SLC30A8: variants seen among roughly 807,000 people sequenced by gnomAD.
SLC30A8 encodes the protein proton-coupled zinc antiporter SLC30A8.
SLC30A8 carries 27 observed loss-of-function variants against 36.9 expected under a neutral mutation model. The observed-to-expected ratio is 0.73, with a 90% CI of 0.54 to 1.01. The LOEUF (loss-of-function observed/expected upper bound fraction) is 1.01, where lower values mean the gene tolerates loss of function less well. Ranked by LOEUF, SLC30A8 falls within the 50% of genes least tolerant of loss-of-function variation. The pLI is 0.00. For synonymous variants in SLC30A8, 164 were observed against 172.4 expected (o/e 0.95, Z 0.38); for missense variants, 439 against 452.0 (o/e 0.97, Z 0.26).
At chr8:116,999,030 G>A (rs766651892) in intron 1 of SLC30A8, among the ~76,000 whole-genome samples, 1 of 152,186 alleles carries the variant, frequency 6.6e-6, no homozygotes, top group Non-Finnish European at 1.5e-5. Context: ...AGGCTGAGGC[G>A]GGCAGATCAC....
chr8:117,011,085 T>C (rs965579571), intron 1 of SLC30A8, among the ~76,000 whole-genome samples: 2 of 152,172 alleles, frequency 1.3e-5, no homozygotes, highest in African/African-American at 4.8e-5. Context: ...TAAACTCTTA[T>C]CTACTTCATC....
intron 2 of SLC30A8, among the ~76,000 whole-genome samples, chr8:117,122,486 C>G (rs151159159): frequency 1.7e-4 from 26 of 152,086 alleles, no homozygotes; most frequent in African/African-American, 5.8e-4. Context: ...AGGCCTTTCA[C>G]CTACAAGGCT....
intron 4 of SLC30A8, among the ~76,000 whole-genome samples, chr8:117,159,770 C>T (rs1418686655): frequency 2.6e-5 from 4 of 152,146 alleles, no homozygotes; most frequent in African/African-American, 9.7e-5. Context: ...GTATTAACTT[C>T]CTGAGAGTCA....
At chr8:116,979,935 C>G (rs1815198431) in intron 1 of SLC30A8, among the ~76,000 whole-genome samples, 1 of 152,072 alleles carries the variant, frequency 6.6e-6, no homozygotes, top group South Asian at 2.1e-4. Context: ...TCCAAAGAAA[C>G]AGAAGCTTAG....
chr8:117,000,016 G>A (rs1420618806), intron 1 of SLC30A8, among the ~76,000 whole-genome samples: 2 of 152,118 alleles, frequency 1.3e-5, no homozygotes, highest in Non-Finnish European at 2.9e-5. Context: ...GATCCTTAGT[G>A]GAAAATCTGG....
intron 1 of SLC30A8, among the ~76,000 whole-genome samples, chr8:116,963,360 C>T (rs1814493781): frequency 1.3e-5 from 2 of 152,016 alleles, no homozygotes; most frequent in African/African-American, 2.4e-5. Flanking sequence ...TAGTGTGATG[C>T]GACCACCATG....
At chr8:116,955,174 C>G (rs1265459474) in intron 1 of SLC30A8, among the ~76,000 whole-genome samples, 1 of 152,090 alleles carries the variant, frequency 6.6e-6, no homozygotes, top group Admixed American at 6.5e-5. Context: ...TAGTATCCTT[C>G]CAAAATAGAT....
chr8:117,120,849 T>C lies in SLC30A8; in HGVS notation c.-225-14431T>C, dbSNP rs113613165. Among the ~76,000 whole-genome samples, 1,312 of 151,738 alleles carry C rather than the reference T, an allele frequency of 8.6e-3. 7 individuals are homozygous for C. The highest frequency in any genetic ancestry group is 0.014 in the Non-Finnish European group (926 of 67,808). On this transcript the variant is annotated intron_variant, in intron 2 of 10. Coordinates refer to the SLC30A8 transcript ENST00000427715. ...TTGAACAGACATTTCTCCAAAAAAATATATTCAAAGGGCCAATAAGTATAT... is the reference window on the plus strand; with the variant it reads ...TTGAACAGACATTTCTCCAAAAAAACATATTCAAAGGGCCAATAAGTATAT...
At chr8:116,959,020 T>C (rs1408325452) in intron 1 of SLC30A8, among the ~76,000 whole-genome samples, 1 of 151,798 alleles carries the variant, frequency 6.6e-6, no homozygotes, top group Non-Finnish European at 1.5e-5. Context: ...CAGCTAATTT[T>C]TTGTATTTTT....
intron 1 of SLC30A8, among the ~76,000 whole-genome samples, chr8:116,963,233 A>G (rs1172821403): frequency 6.6e-6 from 1 of 152,198 alleles, no homozygotes; most frequent in Non-Finnish European, 1.5e-5. Flanking sequence ...TTTGAGCAGG[A>G]CTATGGTTAA....
intron 2 of SLC30A8, among the ~76,000 whole-genome samples, chr8:117,063,970 A>G (rs961308167): frequency 3.3e-5 from 5 of 151,936 alleles, no homozygotes; most frequent in Admixed American, 2.6e-4. Flanking sequence ...TCACTCTCAC[A>G]CCAACCTGTG....
intron 1 of SLC30A8, among the ~76,000 whole-genome samples, chr8:117,143,083 T>C (rs539624846): frequency 6.6e-6 from 1 of 152,264 alleles, no homozygotes; most frequent in South Asian, 2.1e-4. Context: ...TGCTCAACAT[T>C]TGAAATAAGA....
At chr8:117,069,941 T>C (rs1026778631) in intron 2 of SLC30A8, among the ~76,000 whole-genome samples, 2 of 152,226 alleles carry the variant, frequency 1.3e-5, no homozygotes, top group Non-Finnish European at 2.9e-5. Flanking sequence ...TTTGACTTTA[T>C]TAATTACCTT....
chr8:116,965,759 TC>T (rs1814579133), intron 1 of SLC30A8, among the ~76,000 whole-genome samples: 1 of 152,370 alleles, frequency 6.6e-6, no homozygotes, highest in East Asian at 1.9e-4. Flanking sequence ...AAATAACTAT[TC>T]TTTCTTTATG....
At chr8:117,004,652 T>A (rs1254408977) in intron 1 of SLC30A8, among the ~76,000 whole-genome samples, 2 of 152,180 alleles carry the variant, frequency 1.3e-5, no homozygotes, top group Non-Finnish European at 2.9e-5. Context: ...AAAGATTAGA[T>A]TGGAACGTTA....
chr8:117,102,734 G>A (rs1819781639), intron 2 of SLC30A8, among the ~76,000 whole-genome samples: 1 of 152,090 alleles, frequency 6.6e-6, no homozygotes, highest in Non-Finnish European at 1.5e-5. Flanking sequence ...TTCTATGGGT[G>A]CCTGTGTGTT....
At chr8:117,138,483 G>T (rs1821475726) in intron 1 of SLC30A8, among the ~76,000 whole-genome samples, 1 of 151,916 alleles carries the variant, frequency 6.6e-6, no homozygotes, top group Admixed American at 6.6e-5. Context: ...AAAAGACTGG[G>T]CTCCCTCTCC....
At chr8:116,954,068 G>T (rs538612314) in intron 1 of SLC30A8, among the ~76,000 whole-genome samples, 2 of 152,288 alleles carry the variant, frequency 1.3e-5, no homozygotes, top group East Asian at 3.9e-4. Flanking sequence ...AAATAATTAG[G>T]AGAAGAATAA....
intron 1 of SLC30A8, among the ~76,000 whole-genome samples, chr8:116,951,498 G>A (rs1371787162): frequency 2.0e-5 from 3 of 152,066 alleles, no homozygotes; most frequent in Non-Finnish European, 2.9e-5. Context: ...CACATCCGAT[G>A]TAAGTTTGCT....
Sources: gnomAD v4.1 joint callset for allele counts (sites outside exome capture counted in the v4.1 genomes callset) on GRCh38, gnomAD v4.1.1 for gene constraint, MANE v1.5 for transcripts, NCBI Gene and HGNC (gene_info 2026-07-23, HGNC 2026-07-21) for gene names.